The following RNF7 variants were observed in gnomAD, a reference collection of about 807,000 sequenced individuals.
RNF7 encodes the protein RING-box protein 2.
Under a neutral mutation model 17.0 loss-of-function variants are expected in RNF7, and 9 were observed. That is an observed-to-expected ratio of 0.53 (90% CI 0.32 to 0.92). The LOEUF (loss-of-function observed/expected upper bound fraction) is 0.92, where lower values mean the gene tolerates loss of function less well. Among genes scored for constraint, RNF7 ranks in the 40% least tolerant of loss-of-function variants. The pLI is 0.04. For synonymous variants in RNF7, 59 were observed against 50.5 expected, an observed-to-expected ratio of 1.17 and a Z score of -0.72; for missense variants, 87 against 145.8, an observed-to-expected ratio of 0.60 and a Z score of 2.08.
intron 2 of RNF7, among the ~76,000 whole-genome samples, chr3:141,743,944 A>G (rs117481781): frequency 0.011 from 1,617 of 152,334 alleles, 28 homozygotes; most frequent in East Asian, 0.07. Context: ...ATAATACAGT[A>G]TTTAACTTTA....
At position 141,738,365 on chromosome 3, in the gene RNF7, G is replaced by A; in HGVS notation, c.24G>A (p.Glu8=). 6.3e-7 allele frequency: 1 copy of A among 1,585,188 alleles called. No individual in the cohort carries two copies. Among genetic ancestry groups the A allele is most frequent in the Non-Finnish European group, 8.6e-7 (1 of 1,166,242 alleles). Residue 8 remains glutamate, a synonymous_variant, in exon 1 of 3, where the codon GAG becomes GAA. Coordinates refer to ENST00000273480, the MANE Select transcript of RNF7 (RefSeq NM_014245.5). The part of the protein sequence containing the change: MADVEDG[E]ETCALASHSG... ...CCATGGCCGACGTGGAAGACGGAGA[G>A]GAAACCTGCGCCCTGGCCTCTCACT...
At chr3:141,742,948 T>A (rs2084435986) in intron 1 of RNF7, 1 of 1,007,540 alleles carries the variant, frequency 9.9e-7, no homozygotes, top group African/African-American at 1.8e-5. Flanking sequence ...TATGAAGCAA[T>A]TTTTTAATTT....
At chr3:141,742,128 G>A (rs1335727399) in intron 1 of RNF7, among the ~76,000 whole-genome samples, 1 of 149,492 alleles carries the variant, frequency 6.7e-6, no homozygotes, top group Non-Finnish European at 1.5e-5. Context: ...TATTTTTCCT[G>A]ATCCTCTCCA....
In RNF7 at chr3:141,739,784, T is replaced by C. The variant is rs185119744; in HGVS notation, c.175+1268T>C. Among the ~76,000 whole-genome samples the C allele has an allele frequency of 2.9e-3, 438 of 152,362 alleles. 3 individuals are homozygous for C. Among genetic ancestry groups the C allele is most frequent in the African/African-American group, 0.01 (423 of 41,576 alleles). The stretch of plus-strand genomic sequence containing the variant: ...TTTTGAAAGACCTTGATATTAGACA[T>C]GACCCACTTATTTTACATGGATCAC... On this transcript the variant is annotated intron_variant, in intron 1 of 2. Coordinates refer to ENST00000273480, the MANE Select transcript of RNF7 (RefSeq NM_014245.5).
chr3:141,740,150 T>A (rs556438248), intron 1 of RNF7, among the ~76,000 whole-genome samples: 10 of 151,632 alleles, frequency 6.6e-5, no homozygotes, highest in African/African-American at 2.4e-4. Context: ...GAAGCATTTT[T>A]AACTGATCCA....
chr3:141,742,744 C>G (rs528993332), intron 1 of RNF7: 1 of 1,283,748 alleles, frequency 7.8e-7, no homozygotes, highest in East Asian at 5.6e-5. Context: ...CCCTCGCTGT[C>G]CCCTCTGTCT....
chr3:141,738,929 A>C (rs2084386748), intron 1 of RNF7, among the ~76,000 whole-genome samples: 1 of 152,252 alleles, frequency 6.6e-6, no homozygotes, highest in Non-Finnish European at 1.5e-5. Context: ...CAAGGTGGTC[A>C]GGGTAAAGGC....
intron 1 of RNF7, among the ~76,000 whole-genome samples, chr3:141,738,884 T>C (rs913332900): frequency 2.0e-5 from 3 of 152,244 alleles, no homozygotes; most frequent in African/African-American, 7.2e-5. Flanking sequence ...TCGGTTTGTG[T>C]GTCCAGCCCC....
At chr3:141,741,112 A>G (rs544379712) in intron 1 of RNF7, among the ~76,000 whole-genome samples, 4 of 152,366 alleles carry the variant, frequency 2.6e-5, no homozygotes, top group East Asian at 3.9e-4. Context: ...GATATTTCAC[A>G]TAACTTTTTG....
chr3:141,743,441 G>C, intron 1 of RNF7, 68 bp from the exon 2 acceptor site: 1 of 1,254,820 alleles, frequency 8.0e-7, no homozygotes, highest in Non-Finnish European at 1.2e-6. Context: ...TTTTGACTTT[G>C]AAGTGTCTGG....
rs1273997549 is a variant in RNF7 at position 141,745,899 on chromosome 3, C to A, written c.*622C>A. On this transcript the variant is annotated 3_prime_UTR_variant, in exon 3 of 3. Transcript: ENST00000273480. ...ATTGATTCATCAAGAAAACCTAGAT[C>A]TGCACTCACCTCACTGTTCAATCAT... 1.3e-5 allele frequency: 2 copies of A among 151,932 alleles called. No homozygotes were observed. The highest frequency in any genetic ancestry group is 2.9e-5 in the Non-Finnish European group (2 of 68,000). 9.4% of individuals were successfully genotyped at this position (151,932 alleles called of 1,614,324 possible).
chr3:141,742,334 C>G (rs1250470772), intron 1 of RNF7, among the ~76,000 whole-genome samples: 1 of 149,984 alleles, frequency 6.7e-6, no homozygotes, highest in Non-Finnish European at 1.5e-5. Flanking sequence ...TCACGCCATT[C>G]TCCTGCCTCA....
At chr3:141,739,828 G>C (rs2084396446) in intron 1 of RNF7, among the ~76,000 whole-genome samples, 1 of 152,138 alleles carries the variant, frequency 6.6e-6, no homozygotes, top group Admixed American at 6.5e-5. Context: ...AGGAGTTTGA[G>C]ACCAGCCTAG....
intron 1 of RNF7, chr3:141,742,898 T>C: frequency 9.1e-7 from 1 of 1,093,500 alleles, no homozygotes; most frequent in Non-Finnish European, 1.1e-6. Context: ...AAAGGAAGGC[T>C]TCTGTGTCAG....
chr3:141,740,968 T>C (rs2107855413), intron 1 of RNF7, among the ~76,000 whole-genome samples: 1 of 152,310 alleles, frequency 6.6e-6, no homozygotes, highest in Non-Finnish European at 1.5e-5. Context: ...ACTCTCTTCG[T>C]TTCCACTCTC....
chr3:141,738,314 TCTCCGCCGTCGG>T lies in RNF7; in HGVS notation c.-21_-10del, dbSNP rs1424474010. On this transcript the variant is annotated 5_prime_UTR_variant, in exon 1 of 3. Transcript: ENST00000273480. ...GCCTTCCGCCTTCCCCAAGCCAACG[TCTCCGCCGTCGG>T]CTCCGCGGCGCCGCCATGGCCGACG... 1 of 1,460,956 alleles carries T rather than the reference TCTCCGCCGTCGG, an allele frequency of 6.8e-7. No homozygotes were observed. The highest frequency in any genetic ancestry group is 1.2e-5 in the South Asian group (1 of 82,078). 90.5% of individuals were successfully genotyped at this position (1,460,956 alleles called of 1,614,324 possible). A position where few individuals can be genotyped will look rare whatever the true frequency, so the allele number is the denominator to read the frequency against.
chr3:141,745,335 C>A lies in RNF7; in HGVS notation c.*58C>A. 1.8e-6 allele frequency: 2 copies of A among 1,138,406 alleles called. No individual in the cohort carries two copies. Among genetic ancestry groups the A allele is most frequent in the Non-Finnish European group, 2.6e-6 (2 of 755,724 alleles). 70.5% of individuals were successfully genotyped at this position (1,138,406 alleles called of 1,614,324 possible). Reference sequence around the variant, plus strand: ...CAGAGCCCTGGTGGATCTTGTAATCCAGTGCCCTACAAAGGCTAGAACACT... The same window carrying A: ...CAGAGCCCTGGTGGATCTTGTAATCAAGTGCCCTACAAAGGCTAGAACACT... On this transcript the variant is annotated 3_prime_UTR_variant, in exon 3 of 3. Coordinates refer to ENST00000273480, the MANE Select transcript of RNF7 (RefSeq NM_014245.5).
At chr3:141,740,932 T>TTGG (rs2084409542) in intron 1 of RNF7, among the ~76,000 whole-genome samples, 3 of 152,214 alleles carry the variant, frequency 2.0e-5, no homozygotes, top group Admixed American at 6.5e-5. Context: ...AAGACTTGCC[T>TTGG]GTCAGCCCAT....
intron 2 of RNF7, 79 bp from the exon 3 acceptor site, chr3:141,745,080 A>G: frequency 1.2e-6 from 1 of 831,028 alleles, no homozygotes; most frequent in Non-Finnish European, 1.9e-6. Flanking sequence ...ATTATTTGTA[A>G]TATAAAATAA....
Sources: allele counts gnomAD v4.1 joint callset (sites outside exome capture counted in the v4.1 genomes callset), GRCh38; gene constraint gnomAD v4.1.1; transcripts MANE v1.5; gene names NCBI Gene and HGNC (gene_info 2026-07-23, HGNC 2026-07-21).